The following TEF variants were observed in gnomAD, a reference collection of about 807,000 sequenced individuals.
TEF encodes the protein thyrotroph embryonic factor.
In TEF, 3 loss-of-function variants were observed where a neutral mutation model predicts 20.8. That is an observed-to-expected ratio of 0.14 (90% CI 0.07 to 0.37). The LOEUF (loss-of-function observed/expected upper bound fraction) is 0.37. Among genes scored for constraint, TEF ranks in the 10% least tolerant of loss-of-function variants. TEF has a pLI of 1.00. For missense variants in TEF, 296 were observed against 397.9 expected (o/e 0.74, Z 2.18); for synonymous variants, 180 against 171.1 (o/e 1.05, Z -0.41).
intron 2 of TEF, among the ~76,000 whole-genome samples, chr22:41,389,689 T>C (rs1392116190): frequency 6.6e-6 from 1 of 152,074 alleles, no homozygotes; most frequent in Non-Finnish European, 1.5e-5. Flanking sequence ...CTGGCTGGTT[T>C]CAAATTCATG....
upstream of TEF, among the ~76,000 whole-genome samples, chr22:41,379,763 C>G (rs967122857): frequency 1.3e-5 from 2 of 151,430 alleles, no homozygotes; most frequent in African/African-American, 4.9e-5. Context: ...CGTGGTGACG[C>G]ATGCCTGTAA....
intron 2 of TEF, among the ~76,000 whole-genome samples, chr22:41,388,267 G>A (rs1340634111): frequency 5.3e-5 from 8 of 151,930 alleles, no homozygotes; most frequent in Non-Finnish European, 1.0e-4. Context: ...CAAAGTGCTG[G>A]GATTACAGGC....
intron 1 of TEF, among the ~76,000 whole-genome samples, chr22:41,385,704 C>G (rs757807509): frequency 6.6e-6 from 1 of 151,836 alleles, no homozygotes; most frequent in African/African-American, 2.4e-5. Flanking sequence ...TTTTTTGTGA[C>G]GGAGTTTCAC....
rs140313342 is a variant in TEF at position 41,373,064 on chromosome 22, T to C, written c.67+5465T>C. On this transcript the variant is annotated intron_variant, in intron 1 of 3. Coordinates refer to the TEF transcript ENST00000406644. The stretch of plus-strand genomic sequence containing the variant: ...AAGAGGAGTGACGCTCTCATCTCCC[T>C]GTCTGTAAGGACCCTCACACTCACT... Among the ~76,000 whole-genome samples, 34 of 152,296 alleles carry C rather than the reference T, an allele frequency of 2.2e-4. No individual in the cohort carries two copies. The Middle Eastern group carries it at 0.01, about 46-fold the overall frequency.
Position 41,396,710 on chromosome 22 carries a change from G to C in TEF, c.*750G>C. The C allele has an allele frequency of 2.6e-6, 1 of 381,608 alleles. No homozygotes were observed. The highest frequency in any genetic ancestry group is 4.6e-6 in the Non-Finnish European group (1 of 215,942). The allele number at this position is 381,608 out of a possible 1,614,324, so 23.6% of individuals were successfully genotyped here. A position where few individuals can be genotyped will look rare whatever the true frequency, so the allele number is the denominator to read the frequency against. On this transcript the variant is annotated 3_prime_UTR_variant, in exon 4 of 4. Transcript: ENST00000266304. ...CTGCTGTCTGAGCCATGAGTGCCAGGGCTGAGAGAGGCCTCTTCATTTCCT... is the reference window on the plus strand; with the variant it reads ...CTGCTGTCTGAGCCATGAGTGCCAGCGCTGAGAGAGGCCTCTTCATTTCCT...
chr22:41,392,594 A>C lies in TEF; in HGVS notation c.476-1502A>C, dbSNP rs376594559. Among the ~76,000 whole-genome samples, 7 of 149,556 alleles carry C rather than the reference A, an allele frequency of 4.7e-5. 1 individual carries two copies. The East Asian group carries it at 1.2e-3, about 25-fold the overall frequency. ...GAGGCTGAGGCAGGAGAATAGCTTG[A>C]ACCCAGGAGGTCAAGGTTGCAGTGA... On this transcript the variant is annotated intron_variant, in intron 2 of 3. Coordinates refer to ENST00000266304, the MANE Select transcript of TEF (RefSeq NM_003216.4).
chr22:41,381,023 G>A (rs1376675499), upstream of TEF, among the ~76,000 whole-genome samples: 1 of 152,250 alleles, frequency 6.6e-6, no homozygotes, highest in Non-Finnish European at 1.5e-5. Flanking sequence ...GCTAGTAAGT[G>A]GGAGGGCGGA....
At chr22:41,378,478 TG>T (rs1337527314), upstream of TEF, among the ~76,000 whole-genome samples, 1 of 151,994 alleles carries the variant, frequency 6.6e-6, no homozygotes, top group African/African-American at 2.4e-5. Flanking sequence ...CCCGAGTTGC[TG>T]GGACTACAGG....
intron 1 of TEF, among the ~76,000 whole-genome samples, chr22:41,372,200 C>T (rs1569250723): frequency 6.6e-6 from 1 of 152,186 alleles, no homozygotes; most frequent in East Asian, 1.9e-4. Flanking sequence ...ACTGGCTACC[C>T]TCAGGGCCAG....
rs1179977707 is a variant in TEF at position 41,398,374 on chromosome 22, C to T, written c.*2414C>T. 2.0e-5 allele frequency: 3 copies of T among 153,746 alleles called. No homozygotes were observed. The highest frequency in any genetic ancestry group is 6.6e-5 in the Admixed American group (1 of 15,258). The allele number at this position is 153,746 out of a possible 1,614,324, so 9.5% of individuals were successfully genotyped here. A position where few individuals can be genotyped will look rare whatever the true frequency, so the allele number is the denominator to read the frequency against. ...GCTCCTGTGCTTGGATCTTTGACAT[C>T]TGTCAGTCACTGGAGGCTAGAGAAG... On this transcript the variant is annotated 3_prime_UTR_variant, in exon 4 of 4. Coordinates refer to ENST00000266304, the MANE Select transcript of TEF (RefSeq NM_003216.4).
Position 41,397,905 on chromosome 22 carries a change from G to A in TEF, c.*1945G>A, listed in dbSNP as rs1305969854. The A allele has an allele frequency of 1.3e-5, 2 of 152,228 alleles. No homozygotes were observed. The highest frequency in any genetic ancestry group is 1.5e-5 in the Non-Finnish European group (1 of 68,050). The allele number at this position is 152,228 out of a possible 1,614,324, so 9.4% of individuals were successfully genotyped here. On this transcript the variant is annotated 3_prime_UTR_variant, in exon 4 of 4. Transcript: ENST00000266304. Reference sequence around the variant, plus strand: ...TTCTTTGCCGGAAAGTATATGGTTTGTGTTTTTGCAGTTTTATTTTTTTAA... The same window carrying A: ...TTCTTTGCCGGAAAGTATATGGTTTATGTTTTTGCAGTTTTATTTTTTTAA...
chr22:41,380,176 G>A (rs1266313048), upstream of TEF, among the ~76,000 whole-genome samples: 1 of 151,954 alleles, frequency 6.6e-6, no homozygotes, highest in African/African-American at 2.4e-5. Context: ...TTTTGACATG[G>A]AGTCTCCCTC....
intron 1 of TEF, among the ~76,000 whole-genome samples, chr22:41,374,420 C>T (rs1039196516): frequency 2.6e-5 from 4 of 151,910 alleles, no homozygotes; most frequent in Non-Finnish European, 5.9e-5. Context: ...GGCGTGGTGG[C>T]GGGCACCTGT....
intron 3 of TEF, 90 bp from the exon 4 acceptor site, chr22:41,395,655 T>G: frequency 2.3e-6 from 3 of 1,300,758 alleles, no homozygotes; most frequent in Non-Finnish European, 2.2e-6. Flanking sequence ...CCACACCAGA[T>G]GAGTTAGGGG....
intron 3 of TEF, 122 bp from the exon 4 acceptor site, chr22:41,395,622 TG>T: frequency 1.0e-6 from 1 of 959,980 alleles, no homozygotes; most frequent in Non-Finnish European, 1.6e-6. Context: ...GCTCCCTCCC[TG>T]GTATCCCTGC....
In TEF at chr22:41,396,669, G is replaced by T. The variant is rs2037233121; in HGVS notation, c.*709G>T. 2.9e-6 allele frequency: 1 copy of T among 341,178 alleles called. No homozygotes were observed. The highest frequency in any genetic ancestry group is 2.1e-5 in the African/African-American group (1 of 47,528). The allele number at this position is 341,178 out of a possible 1,614,324, so 21.1% of individuals were successfully genotyped here. A position where few individuals can be genotyped will look rare whatever the true frequency, so the allele number is the denominator to read the frequency against. ...TCTGCATTTCATTGGCTGTGGAGGA[G>T]AGACTCCTAGGATGGCTGCTGTCTG... On this transcript the variant is annotated 3_prime_UTR_variant, in exon 4 of 4. Transcript: ENST00000266304.
chr22:41,369,776 G>A (rs1391033509), intron 1 of TEF: 1 of 358,736 alleles, frequency 2.8e-6, no homozygotes, highest in East Asian at 1.7e-4. Flanking sequence ...GACTCTGGGT[G>A]TGAATTGGAG....
rs1234550015 is a variant in TEF, at chr22:41,382,161, G to A, written c.117G>A (p.Leu39=). ...RGLSGSFPLV[L]KKLMENPPRE... is the part of the protein sequence containing the mutation. The stretch of plus-strand genomic sequence containing the variant: ...TGTCGGGGTCCTTCCCCCTGGTCCT[G>A]AAGAAGCTGATGGAGAACCCCCCGC... The change falls in exon 1 of 4, where the codon CTG becomes CTA. Residue 39 remains leucine (L), a synonymous_variant. Coordinates refer to ENST00000266304, the MANE Select transcript of TEF (RefSeq NM_003216.4). The A allele has an allele frequency of 8.1e-7, 1 of 1,240,436 alleles. No homozygotes were observed. Among genetic ancestry groups the A allele is most frequent in the Non-Finnish European group, 1.0e-6 (1 of 992,936 alleles). 76.8% of individuals were successfully genotyped at this position (1,240,436 alleles called of 1,614,324 possible). A position where few individuals can be genotyped will look rare whatever the true frequency, so the allele number is the denominator to read the frequency against.
chr22:41,394,068 C>A, intron 2 of TEF, 28 bp from the exon 3 acceptor site: 1 of 1,606,168 alleles, frequency 6.2e-7, no homozygotes, highest in Non-Finnish European at 8.5e-7. Context: ...TGGGCTGCTT[C>A]GGGACCACCT....
Sources: allele counts gnomAD v4.1 joint callset (sites outside exome capture counted in the v4.1 genomes callset), GRCh38; gene constraint gnomAD v4.1.1; transcripts MANE v1.5; gene names NCBI Gene and HGNC (gene_info 2026-07-23, HGNC 2026-07-21).